ST6GALNAC3: variants seen among roughly 807,000 people sequenced by gnomAD.
ST6GALNAC3 encodes the protein ST6 N-acetylgalactosaminide alpha-2,6-sialyltransferase 3.
In ST6GALNAC3, 25 loss-of-function variants were observed where a neutral mutation model predicts 32.7. That is an observed-to-expected ratio of 0.76 (90% confidence interval 0.56 to 1.07). ST6GALNAC3 has a LOEUF of 1.07. Among genes scored for constraint, ST6GALNAC3 ranks in the 50% least tolerant of loss-of-function variants. The pLI is 0.00. For synonymous variants in ST6GALNAC3, 129 were observed against 133.1 expected (o/e 0.97, Z 0.21); for missense variants, 355 against 382.4 (o/e 0.93, Z 0.60).
At chr1:76,175,163 G>A (rs1183480393) in intron 1 of ST6GALNAC3, among the ~76,000 whole-genome samples, 3 of 151,676 alleles carry the variant, frequency 2.0e-5, no homozygotes, top group Non-Finnish European at 4.4e-5. Flanking sequence ...TCTTAGTAGT[G>A]TTTTTGCTGG....
intron 1 of ST6GALNAC3, among the ~76,000 whole-genome samples, chr1:76,223,553 TTAAAA>T (rs1358338922): frequency 1.3e-5 from 2 of 152,092 alleles, no homozygotes; most frequent in African/African-American, 2.4e-5. Context: ...ACCCCTGAAC[TTAAAA>T]TAAAAGTTAA....
intron 2 of ST6GALNAC3, among the ~76,000 whole-genome samples, chr1:76,350,214 A>C (rs1648857604): frequency 6.6e-6 from 1 of 152,172 alleles, no homozygotes; most frequent in African/African-American, 2.4e-5. Context: ...TTTTAAAGCA[A>C]CGGGGTCTCC....
At chr1:76,109,374 A>G (rs1393303530) in intron 1 of ST6GALNAC3, among the ~76,000 whole-genome samples, 1 of 152,194 alleles carries the variant, frequency 6.6e-6, no homozygotes, top group African/African-American at 2.4e-5. Context: ...TGAGGTAGGC[A>G]GGGCATGAAA....
chr1:76,321,199 GT>G (rs2100922596), intron 2 of ST6GALNAC3, among the ~76,000 whole-genome samples: 1 of 152,114 alleles, frequency 6.6e-6, no homozygotes, highest in African/African-American at 2.4e-5. Flanking sequence ...ATTTTATTAT[GT>G]TTTTCTGGGA....
intron 3 of ST6GALNAC3, among the ~76,000 whole-genome samples, chr1:76,530,315 T>A (rs1320193776): frequency 6.6e-6 from 1 of 152,160 alleles, no homozygotes; most frequent in East Asian, 1.9e-4. Context: ...AAGGCAAACA[T>A]GTAAACCAGC....
At chr1:76,143,765 G>A (rs1650495458) in intron 1 of ST6GALNAC3, among the ~76,000 whole-genome samples, 1 of 152,128 alleles carries the variant, frequency 6.6e-6, no homozygotes, top group African/African-American at 2.4e-5. Context: ...CCAGGATAAG[G>A]CATTTCTCAT....
intron 1 of ST6GALNAC3, among the ~76,000 whole-genome samples, chr1:76,179,721 C>T (rs1653060638): frequency 6.6e-6 from 1 of 152,210 alleles, no homozygotes; most frequent in African/African-American, 2.4e-5. Flanking sequence ...TTATCCTGAT[C>T]TCACCTCATC....
At chr1:76,253,416 G>A (rs1054101064) in intron 1 of ST6GALNAC3, among the ~76,000 whole-genome samples, 1 of 152,024 alleles carries the variant, frequency 6.6e-6, no homozygotes, top group Non-Finnish European at 1.5e-5. Flanking sequence ...ATAATGTGAA[G>A]CCTTTCACCG....
At chr1:76,435,037 C>T (rs765309921) in intron 3 of ST6GALNAC3, among the ~76,000 whole-genome samples, 12 of 151,952 alleles carry the variant, frequency 7.9e-5, no homozygotes, top group Non-Finnish European at 1.5e-4. Context: ...GTGATCCACC[C>T]ACCTTGGCCT....
intron 1 of ST6GALNAC3, among the ~76,000 whole-genome samples, chr1:76,084,691 G>A (rs1646942556): frequency 6.6e-6 from 1 of 152,170 alleles, no homozygotes. Context: ...ATGGCCAATG[G>A]TGCTTAGAGA....
At chr1:76,613,492 T>G (rs1463638490) in intron 3 of ST6GALNAC3, among the ~76,000 whole-genome samples, 4 of 152,232 alleles carry the variant, frequency 2.6e-5, no homozygotes, top group African/African-American at 9.6e-5. Context: ...CAACTCTGGA[T>G]GTAAATGATG....
At chr1:76,139,808 G>A (rs545197074) in intron 1 of ST6GALNAC3, among the ~76,000 whole-genome samples, 1 of 152,078 alleles carries the variant, frequency 6.6e-6, no homozygotes, top group African/African-American at 2.4e-5. Context: ...CAGATTTCTC[G>A]CCTGTGCAAT....
chr1:76,270,055 C>T (rs981016598), intron 1 of ST6GALNAC3, among the ~76,000 whole-genome samples: 52 of 152,218 alleles, frequency 3.4e-4, no homozygotes, highest in African/African-American at 1.2e-3. Flanking sequence ...CATCCATACC[C>T]CCCAAATAGT....
chr1:76,525,764 T>C (rs1662834114), intron 3 of ST6GALNAC3, among the ~76,000 whole-genome samples: 1 of 123,076 alleles, frequency 8.1e-6, no homozygotes, highest in Non-Finnish European at 1.7e-5. Context: ...TATATGTGTA[T>C]GTGTGTTTGT....
chr1:76,297,148 GAAATCAGTAGAT>G (rs1194761532), intron 1 of ST6GALNAC3, among the ~76,000 whole-genome samples: 2 of 151,970 alleles, frequency 1.3e-5, no homozygotes, highest in African/African-American at 4.8e-5. Flanking sequence ...TTGCAGTTGA[GAAATCAGTAGAT>G]AGGAACTAAT....
In ST6GALNAC3 at chr1:76,388,306, C is replaced by T. The variant is rs1405970607; in HGVS notation, c.214-23702C>T. Among the ~76,000 whole-genome samples the T allele has an allele frequency of 3.3e-5, 5 of 152,262 alleles. No individual in the cohort carries two copies. In the East Asian group the frequency reaches 5.8e-4, roughly 18 times the overall value. On this transcript the variant is annotated intron_variant, in intron 2 of 4. Coordinates refer to ENST00000328299, the MANE Select transcript of ST6GALNAC3 (RefSeq NM_152996.4). ...TCAGAATAAAAGTGAAACCCTACTA[C>T]TTGTTTTGCCCATTAGATAGCATTA...
At chr1:76,517,266 C>T (rs1237167953) in intron 3 of ST6GALNAC3, among the ~76,000 whole-genome samples, 1 of 151,664 alleles carries the variant, frequency 6.6e-6, no homozygotes, top group Non-Finnish European at 1.5e-5. Flanking sequence ...TCTTATCATA[C>T]AATTTTTTCA....
At position 76,482,139 on chromosome 1, in the gene ST6GALNAC3, T is replaced by TACACACACACACAC. The variant is rs368648490; in HGVS notation, c.623+69738_623+69751dup. Among the ~76,000 whole-genome samples the TACACACACACACAC allele has an allele frequency of 1.1e-3, 167 of 147,124 alleles. 2 individuals carry two copies. Among genetic ancestry groups the TACACACACACACAC allele is most frequent in the Admixed American group, 3.8e-3 (56 of 14,658 alleles). On this transcript the variant is annotated intron_variant, in intron 3 of 4. Transcript: ENST00000328299. ...AAAGAGAATTTTAACAAATTTTCTT[T>TACACACACACACAC]ACACACACACACACACACACACACA...
chr1:76,476,904 A>G (rs1659393196), intron 3 of ST6GALNAC3, among the ~76,000 whole-genome samples: 1 of 152,074 alleles, frequency 6.6e-6, no homozygotes, highest in Admixed American at 6.6e-5. Context: ...GTTGGGAGGG[A>G]AAGCCAGACC....
Sources: allele counts gnomAD v4.1 joint callset (sites outside exome capture counted in the v4.1 genomes callset), GRCh38; gene constraint gnomAD v4.1.1; transcripts MANE v1.5; gene names NCBI Gene and HGNC (gene_info 2026-07-23, HGNC 2026-07-21).